CDH6: variants seen among roughly 807,000 people sequenced by gnomAD.
CDH6 encodes the protein cadherin-6.
CDH6 carries 31 observed loss-of-function variants against 78.0 expected under a neutral mutation model. That is an observed-to-expected ratio of 0.40 (90% confidence interval 0.30 to 0.54). CDH6 has a LOEUF of 0.54. CDH6 is among the 20% of genes least tolerant of loss of function. The pLI is 0.56. For missense variants in CDH6, 724 were observed against 975.9 expected (o/e 0.74, Z 3.44); for synonymous variants, 376 against 368.8 (o/e 1.02, Z -0.23).
At chr5:31,200,742 G>A (rs1740329349) in intron 1 of CDH6, among the ~76,000 whole-genome samples, 1 of 151,636 alleles carries the variant, frequency 6.6e-6, no homozygotes, top group Non-Finnish European at 1.5e-5. Flanking sequence ...AGGAAGGGAG[G>A]GAGGAAGAAA....
chr5:31,320,328 G>A (rs1033216711), intron 11 of CDH6, among the ~76,000 whole-genome samples: 5 of 152,138 alleles, frequency 3.3e-5, no homozygotes, highest in African/African-American at 1.2e-4. Context: ...TTTTTTGAAA[G>A]TGCCCTCTCC....
chr5:31,251,901 T>G (rs1741919372), intron 1 of CDH6: 1 of 152,208 alleles, frequency 6.6e-6, no homozygotes, highest in Non-Finnish European at 1.5e-5. Flanking sequence ...AAAATGACAC[T>G]TCAGAAGTTT....
intron 1 of CDH6, among the ~76,000 whole-genome samples, chr5:31,246,240 C>T (rs1044443361): frequency 2.6e-5 from 4 of 151,994 alleles, no homozygotes; most frequent in Admixed American, 1.3e-4. Context: ...TCCAACATAG[C>T]GATGTGACAA....
intron 5 of CDH6, among the ~76,000 whole-genome samples, chr5:31,299,963 T>A (rs896610487): frequency 2.0e-5 from 3 of 152,226 alleles, no homozygotes; most frequent in African/African-American, 7.2e-5. Context: ...TTGGAAAAAA[T>A]TTGACTTTAT....
chr5:31,265,767 ATGT>A (rs1239366454), intron 1 of CDH6, among the ~76,000 whole-genome samples: 6 of 112,476 alleles, frequency 5.3e-5, no homozygotes, highest in African/African-American at 1.3e-4. Context: ...ATTTAAGACA[ATGT>A]TTTTTTTTTT....
chr5:31,247,138 G>A (rs1741774139), intron 1 of CDH6, among the ~76,000 whole-genome samples: 1 of 152,302 alleles, frequency 6.6e-6, no homozygotes, highest in South Asian at 2.1e-4. Flanking sequence ...AAGAGTTTGA[G>A]AATGGGCTGG....
intron 1 of CDH6, among the ~76,000 whole-genome samples, chr5:31,210,989 A>T (rs1258072225): frequency 6.6e-6 from 1 of 152,174 alleles, no homozygotes; most frequent in Non-Finnish European, 1.5e-5. Flanking sequence ...AATTCTGTTC[A>T]ATGAGGGTTA....
intron 2 of CDH6, among the ~76,000 whole-genome samples, chr5:31,287,849 A>C (rs188767550): frequency 2.0e-5 from 3 of 152,352 alleles, no homozygotes; most frequent in Admixed American, 2.0e-4. Flanking sequence ...CAGGGACCGC[A>C]CTTTGAGAAC....
chr5:31,233,424 A>G (rs986053572), intron 1 of CDH6, among the ~76,000 whole-genome samples: 1 of 151,402 alleles, frequency 6.6e-6, no homozygotes, highest in African/African-American at 2.4e-5. Context: ...CCGAGGTGGG[A>G]GGATCGCTTG....
intron 1 of CDH6, among the ~76,000 whole-genome samples, chr5:31,204,655 C>CT (rs1156389372): frequency 6.6e-6 from 1 of 152,092 alleles, no homozygotes; most frequent in Non-Finnish European, 1.5e-5. Context: ...TTTTAAATGG[C>CT]TTTTTTCTCT....
Position 31,294,945 on chromosome 5 carries a change from A to G in CDH6, c.523+689A>G, listed in dbSNP as rs1435878321. 2.0e-5 allele frequency among the ~76,000 whole-genome samples: 3 copies of G among 152,232 alleles called. No individual in the cohort carries two copies. Among genetic ancestry groups the G allele is most frequent in the African/African-American group, 7.2e-5 (3 of 41,470 alleles). On this transcript the variant is annotated intron_variant, in intron 3 of 11. Transcript: ENST00000265071. The surrounding 1 kb of genome is among the most constrained non-coding windows in gnomAD (Gnocchi z 4.1). ...AATTCTACTGACATCACTCTTAGCC[A>G]CATTGAAATACTTCATGGGAGACAC...
chr5:31,297,308 C>A lies in CDH6; in HGVS notation c.543C>A (p.Val181=), dbSNP rs1737637717. The A allele has an allele frequency of 1.2e-6, 2 of 1,610,978 alleles. No homozygotes were observed. The highest frequency in any genetic ancestry group is 1.7e-6 in the Non-Finnish European group (2 of 1,177,328). ...MSDVGTFVVQ[V]TATDADDPTY... ...TTACAGGTACATTTGTTGTCCAAGT[C>A]ACTGCGACGGATGCAGATGATCCAA... is the stretch of plus-strand genomic sequence containing the variant. Residue 181 remains valine (V), a synonymous_variant, in exon 4 of 12, where the codon GTC becomes GTA. Coordinates refer to ENST00000265071, the MANE Select transcript of CDH6 (RefSeq NM_004932.4).
intron 1 of CDH6, among the ~76,000 whole-genome samples, chr5:31,209,530 C>A (rs550597999): frequency 2.0e-5 from 3 of 152,086 alleles, no homozygotes; most frequent in Non-Finnish European, 2.9e-5. Flanking sequence ...ACCCTATTAA[C>A]GGGAAAGGCG....
At chr5:31,239,451 G>A (rs549821151) in intron 1 of CDH6, among the ~76,000 whole-genome samples, 1 of 152,262 alleles carries the variant, frequency 6.6e-6, no homozygotes, top group South Asian at 2.1e-4. Flanking sequence ...TATAGTGGAA[G>A]TTTACTTCTC....
chr5:31,254,000 A>G (rs933638918), intron 1 of CDH6, among the ~76,000 whole-genome samples: 33 of 152,306 alleles, frequency 2.2e-4, no homozygotes, highest in African/African-American at 7.9e-4. Context: ...TATTACATGG[A>G]AAATTCCAGA....
intron 1 of CDH6, 46 bp from the exon 2 acceptor site, chr5:31,267,300 T>C: frequency 3.4e-6 from 2 of 580,900 alleles, no homozygotes; most frequent in Non-Finnish European, 6.1e-6. Context: ...TAACACTGAA[T>C]TTTAAGCATC....
chr5:31,233,496 C>G (rs777849182), intron 1 of CDH6, among the ~76,000 whole-genome samples: 13 of 138,274 alleles, frequency 9.4e-5, no homozygotes, highest in Non-Finnish European at 1.4e-4. Flanking sequence ...GCTGGCATGA[C>G]AGAGTGGGAC....
In CDH6 at chr5:31,267,487, G is replaced by A. The variant is rs761843796; in HGVS notation, c.14G>A (p.Arg5His). 9 of 1,613,940 alleles carry A rather than the reference G, an allele frequency of 5.6e-6. No homozygotes were observed. The highest frequency in any genetic ancestry group is 4.4e-5 in the South Asian group (4 of 91,074). ...GGTGCCATCAGCATGAGAACTTACC[G>A]CTACTTCTTGCTGCTCTTTTGGGTG... Reference protein sequence around the residue: MRTYRYFLLLFWVGQ... With the variant: MRTYHYFLLLFWVGQ... Residue 5 changes from arginine to histidine, a missense_variant, in exon 2 of 12, where the codon CGC becomes CAC. Around this residue, in one of 3 missense-constraint regions of CDH6, gnomAD observed 58 missense variants for 50.8 expected, o/e 1.14. Coordinates refer to ENST00000265071, the MANE Select transcript of CDH6 (RefSeq NM_004932.4).
chr5:31,240,246 C>A (rs1014353709), intron 1 of CDH6, among the ~76,000 whole-genome samples: 3 of 152,148 alleles, frequency 2.0e-5, no homozygotes, highest in Non-Finnish European at 4.4e-5. Context: ...AGTTATTTGA[C>A]CATAGTGATT....
Sources: gnomAD v4.1 joint callset for allele counts (sites outside exome capture counted in the v4.1 genomes callset) on GRCh38, gnomAD v4.1.1 for gene constraint, gnomAD v4.1.1 regional missense constraint, Gnocchi (gnomAD v3.1) non-coding constraint, MANE v1.5 for transcripts, NCBI Gene and HGNC (gene_info 2026-07-23, HGNC 2026-07-21) for gene names.